Variants in HDAC9 observed in about 807,000 individuals in gnomAD.
HDAC9 encodes MEF-2 interacting transcription repressor (MITR) protein.
A neutral mutation model predicts 139.4 loss-of-function variants in HDAC9; 41 were observed. That is an observed-to-expected ratio of 0.29 (90% CI 0.23 to 0.38). The LOEUF is 0.38. Among genes scored for constraint, HDAC9 ranks in the 10% least tolerant of loss-of-function variants. HDAC9 has a pLI of 1.00. For synonymous variants in HDAC9, 517 were observed against 476.2 expected (o/e 1.09, Z -1.12); for missense variants, 1,147 against 1,297.0 (o/e 0.88, Z 1.78).
chr7:18,207,594 C>T (rs1263484647), intron 2 of HDAC9, among the ~76,000 whole-genome samples: 1 of 118,762 alleles, frequency 8.4e-6, no homozygotes, highest in Non-Finnish European at 1.7e-5. Context: ...AAAAAGAGTG[C>T]TGTGGCATAA....
intron 2 of HDAC9, among the ~76,000 whole-genome samples, chr7:18,176,375 T>G (rs1562710691): frequency 2.6e-5 from 4 of 152,210 alleles, no homozygotes; most frequent in Admixed American, 2.6e-4. Context: ...GAAAAAAATA[T>G]TGCAAGTCAT....
At chr7:18,204,132 A>G (rs980677605) in intron 2 of HDAC9, among the ~76,000 whole-genome samples, 10 of 152,176 alleles carry the variant, frequency 6.6e-5, no homozygotes, top group African/African-American at 2.4e-4. Context: ...AAAAAAATTT[A>G]GTGACAGTGA....
intron 2 of HDAC9, among the ~76,000 whole-genome samples, chr7:18,214,122 A>G (rs915452885): frequency 1.3e-5 from 2 of 152,170 alleles, no homozygotes; most frequent in African/African-American, 2.4e-5. Context: ...ATTATAAGGT[A>G]TATATTTTTA....
chr7:18,303,343 A>G (rs1585079083), intron 1 of HDAC9, among the ~76,000 whole-genome samples: 2 of 148,936 alleles, frequency 1.3e-5, no homozygotes, highest in Non-Finnish European at 3.0e-5. Context: ...AGTGGCTGGG[A>G]CTACAGGCAC....
intron 6 of HDAC9, among the ~76,000 whole-genome samples, chr7:18,613,145 A>T (rs1253491959): frequency 6.7e-6 from 1 of 149,642 alleles, no homozygotes; most frequent in East Asian, 1.9e-4. Context: ...TTTATAATAG[A>T]CTGAATACAG....
chr7:18,581,089 G>A (rs1827685467), intron 2 of HDAC9, among the ~76,000 whole-genome samples: 1 of 152,130 alleles, frequency 6.6e-6, no homozygotes, highest in Admixed American at 6.5e-5. Context: ...AATCTAGCAG[G>A]CCAAAGATGA....
chr7:18,763,939 A>G (rs1294805358), intron 15 of HDAC9, among the ~76,000 whole-genome samples: 1 of 152,198 alleles, frequency 6.6e-6, no homozygotes, highest in Admixed American at 6.5e-5. Flanking sequence ...GAAGTGCTCC[A>G]AAACAACCAT....
intron 12 of HDAC9, among the ~76,000 whole-genome samples, chr7:18,687,428 T>G (rs1277396818): frequency 6.6e-6 from 1 of 151,886 alleles, no homozygotes; most frequent in Non-Finnish European, 1.5e-5. Flanking sequence ...AACAATATTT[T>G]TATGTTATAA....
In HDAC9 at chr7:18,189,664, T is replaced by C. The variant is rs375603303; in HGVS notation, c.25+27315T>C. ...ATGCCTGTGATTATCCTAGGTCTCT[T>C]GCTAGCACTGTGTGTTGAGGTAGTC... On this transcript the variant is annotated intron_variant, in intron 2 of 12. Transcript: ENST00000417496. Among the ~76,000 whole-genome samples, 410 of 152,178 alleles carry C rather than the reference T, an allele frequency of 2.7e-3. 2 individuals are homozygous for C. The highest frequency in any genetic ancestry group is 9.1e-3 in the African/African-American group (376 of 41,528).
chr7:18,437,152 A>G (rs567603290), intron 1 of HDAC9, among the ~76,000 whole-genome samples: 2 of 152,294 alleles, frequency 1.3e-5, no homozygotes, highest in South Asian at 4.1e-4. Flanking sequence ...TGGTCTGCAG[A>G]AAGTAGCCTT....
chr7:18,617,574 C>T (rs947615542), intron 6 of HDAC9, among the ~76,000 whole-genome samples: 1 of 152,156 alleles, frequency 6.6e-6, no homozygotes, highest in Non-Finnish European at 1.5e-5. Context: ...TACCTTCCTA[C>T]CCACCAGGCC....
intron 1 of HDAC9, among the ~76,000 whole-genome samples, chr7:18,321,488 A>G (rs1320492540): frequency 2.0e-5 from 3 of 152,196 alleles, no homozygotes; most frequent in African/African-American, 7.2e-5. Flanking sequence ...AAGATACTCC[A>G]TTTTAACCAC....
At chr7:18,164,207 G>C (rs1403217994) in intron 2 of HDAC9, among the ~76,000 whole-genome samples, 1 of 152,110 alleles carries the variant, frequency 6.6e-6, no homozygotes, top group Non-Finnish European at 1.5e-5. Flanking sequence ...TGCCAGGTGG[G>C]TAGGAGTTTC....
chr7:18,984,352 C>T (rs889426042), intron 25 of HDAC9, among the ~76,000 whole-genome samples: 2 of 151,906 alleles, frequency 1.3e-5, no homozygotes, highest in African/African-American at 2.4e-5. Flanking sequence ...AGTAAGCTGG[C>T]TGGGTAGAAA....
At chr7:18,605,474 G>A (rs773472845) in intron 6 of HDAC9, among the ~76,000 whole-genome samples, 12 of 152,216 alleles carry the variant, frequency 7.9e-5, no homozygotes, top group African/African-American at 2.2e-4. Flanking sequence ...AGAATCCTTC[G>A]TGTGTATTTC....
intron 1 of HDAC9, among the ~76,000 whole-genome samples, chr7:18,341,242 G>A (rs559919277): frequency 6.0e-5 from 9 of 150,740 alleles, no homozygotes; most frequent in Non-Finnish European, 1.2e-4. Context: ...GTTTGTGTGT[G>A]CACACACACA....
chr7:18,440,027 T>C (rs1230306729), intron 1 of HDAC9, among the ~76,000 whole-genome samples: 4 of 152,184 alleles, frequency 2.6e-5, no homozygotes, highest in East Asian at 1.9e-4. Context: ...GTACCCACTC[T>C]TAATACATTA....
chr7:18,177,004 T>C (rs1788963630), intron 2 of HDAC9, among the ~76,000 whole-genome samples: 1 of 152,246 alleles, frequency 6.6e-6, no homozygotes, highest in Non-Finnish European at 1.5e-5. Context: ...TAATGTACAC[T>C]ATCGAGTCTT....
At chr7:18,859,187 A>G (rs1284595077) in intron 21 of HDAC9, among the ~76,000 whole-genome samples, 1 of 152,148 alleles carries the variant, frequency 6.6e-6, no homozygotes, top group Non-Finnish European at 1.5e-5. Context: ...GCAACATTAG[A>G]AGGAATGTAT....
Sources: gnomAD v4.1 joint callset for allele counts (sites outside exome capture counted in the v4.1 genomes callset) on GRCh38, gnomAD v4.1.1 for gene constraint, MANE v1.5 for transcripts, NCBI Gene and HGNC (gene_info 2026-07-23, HGNC 2026-07-21) for gene names.